Variants in C1GALT1 observed in about 807,000 individuals in gnomAD.
C1GALT1 encodes the protein core 1 synthase, glycoprotein-N-acetylgalactosamine 3-beta-galactosyltransferase 1.
In C1GALT1, 11 loss-of-function variants were observed where a neutral mutation model predicts 31.0. That is an observed-to-expected ratio of 0.36 (90% CI 0.22 to 0.59). The LOEUF (loss-of-function observed/expected upper bound fraction) is 0.59. C1GALT1 is among the 20% of genes least tolerant of loss of function. C1GALT1 has a pLI of 0.79. For synonymous variants in C1GALT1, 175 were observed against 143.6 expected (o/e 1.22, Z -1.56); for missense variants, 424 against 425.2 (o/e 1.00, Z 0.03).
At chr7:7,207,335 CTTTT>C (rs57510429) in intron 1 of C1GALT1, among the ~76,000 whole-genome samples, 2 of 47,972 alleles carry the variant, frequency 4.2e-5, no homozygotes, top group Non-Finnish European at 7.7e-5. Flanking sequence ...TACTCTGTTG[CTTTT>C]TTTTTTTTTT....
intron 1 of C1GALT1, among the ~76,000 whole-genome samples, chr7:7,204,110 T>G (rs566475052): frequency 6.7e-6 from 1 of 149,624 alleles, no homozygotes; most frequent in Admixed American, 6.7e-5. Context: ...TTTTTTTTTT[T>G]GTTTTTTTGT....
chr7:7,194,307 G>A (rs949038904), intron 1 of C1GALT1, among the ~76,000 whole-genome samples: 8 of 152,050 alleles, frequency 5.3e-5, no homozygotes, highest in Admixed American at 4.6e-4. Flanking sequence ...GTTAGCTGTA[G>A]GTTTGTCATA....
chr7:7,243,859 A>G lies in C1GALT1; in HGVS notation c.*132A>G, dbSNP rs1368184642. On this transcript the variant is annotated 3_prime_UTR_variant, in exon 4 of 4. Coordinates refer to ENST00000436587, the MANE Select transcript of C1GALT1 (RefSeq NM_020156.5). ...AACATTCCTTATAGAAACCTTTCAC[A>G]TGAATGACTATAAACTGAAGCTTTA... The G allele has an allele frequency of 3.2e-6, 2 of 632,324 alleles. No individual in the cohort carries two copies. The highest frequency in any genetic ancestry group is 5.3e-6 in the Non-Finnish European group (2 of 380,200). 39.2% of individuals were successfully genotyped at this position (632,324 alleles called of 1,614,324 possible).
chr7:7,176,166 C>T (rs916835000), intron 2 of C1GALT1, among the ~76,000 whole-genome samples: 3 of 151,964 alleles, frequency 2.0e-5, no homozygotes, highest in South Asian at 2.1e-4. Flanking sequence ...GCCATTTCAG[C>T]AAAATGGGAA....
chr7:7,211,604 A>G (rs575409364), intron 1 of C1GALT1, among the ~76,000 whole-genome samples: 1 of 152,326 alleles, frequency 6.6e-6, no homozygotes, highest in East Asian at 1.9e-4. Flanking sequence ...AGTTCCCACA[A>G]GTGTGGTGTA....
chr7:7,227,890 C>A (rs1471029830), intron 1 of C1GALT1, among the ~76,000 whole-genome samples: 1 of 152,172 alleles, frequency 6.6e-6, no homozygotes, highest in Non-Finnish European at 1.5e-5. Flanking sequence ...TTTCTAGCCT[C>A]CGTAACTGTA....
At chr7:7,177,679 T>C (rs577863923), upstream of C1GALT1, among the ~76,000 whole-genome samples, 5 of 152,360 alleles carry the variant, frequency 3.3e-5, no homozygotes, top group South Asian at 8.3e-4. Flanking sequence ...ATGATGCTAC[T>C]ATTTTATACA....
At chr7:7,213,148 C>T (rs1437978411) in intron 1 of C1GALT1, among the ~76,000 whole-genome samples, 1 of 152,144 alleles carries the variant, frequency 6.6e-6, no homozygotes, top group Admixed American at 6.5e-5. Flanking sequence ...AGTCCCATAT[C>T]TTCTTTCTCA....
At chr7:7,208,373 A>G (rs548244732) in intron 1 of C1GALT1, among the ~76,000 whole-genome samples, 2 of 152,306 alleles carry the variant, frequency 1.3e-5, no homozygotes, top group Non-Finnish European at 2.9e-5. Flanking sequence ...TATTTAGGAA[A>G]AAACATAGTA....
At chr7:7,188,746 G>A (rs1191934472) in intron 1 of C1GALT1, among the ~76,000 whole-genome samples, 6 of 149,480 alleles carry the variant, frequency 4.0e-5, no homozygotes, top group South Asian at 2.1e-4. Flanking sequence ...AAAATATTTC[G>A]GTACATTGTC....
chr7:7,204,423 C>T (rs1338486621), intron 1 of C1GALT1, among the ~76,000 whole-genome samples: 1 of 152,028 alleles, frequency 6.6e-6, no homozygotes, highest in Non-Finnish European at 1.5e-5. Context: ...GCCCTACTTT[C>T]ATTTCTGATT....
rs753833189 is a variant in C1GALT1 at position 7,228,034 on chromosome 7, CTG to C, written c.-17-6265_-17-6264del. Among the ~76,000 whole-genome samples, 52 of 152,302 alleles carry C rather than the reference CTG, an allele frequency of 3.4e-4. No homozygotes were observed. The South Asian group carries it at 6.6e-3, about 19-fold the overall frequency. Reference sequence around the variant, plus strand: ...TGATTCAGATTGCTAGTGTGACTCTCTGTGTCTGAATTCATCTGTAAATGGGA... The same window carrying C: ...TGATTCAGATTGCTAGTGTGACTCTCTGTCTGAATTCATCTGTAAATGGGA... On this transcript the variant is annotated intron_variant, in intron 1 of 3. Coordinates refer to ENST00000436587, the MANE Select transcript of C1GALT1 (RefSeq NM_020156.5).
At chr7:7,234,175 C>G in intron 1 of C1GALT1, 128 bp from the exon 2 acceptor site, 1 of 687,814 alleles carries the variant, frequency 1.5e-6, no homozygotes, top group Non-Finnish European at 2.4e-6. Context: ...GAGGGGTAAA[C>G]TCATAGATAA....
chr7:7,185,913 T>C (rs879583230), intron 1 of C1GALT1, among the ~76,000 whole-genome samples: 2 of 152,220 alleles, frequency 1.3e-5, no homozygotes, highest in Admixed American at 1.3e-4. Flanking sequence ...CTTACATTTA[T>C]TTACATATAT....
At chr7:7,189,161 A>G (rs1366859250) in intron 1 of C1GALT1, among the ~76,000 whole-genome samples, 1 of 152,172 alleles carries the variant, frequency 6.6e-6, no homozygotes, top group Non-Finnish European at 1.5e-5. Context: ...AACAGCTACT[A>G]CTATTCTATG....
In C1GALT1 at chr7:7,234,435, C is replaced by T; in HGVS notation, c.116C>T (p.Pro39Leu). Residue 39 changes from proline (P) to leucine (L), a missense_variant, in exon 2 of 4, where the codon CCT (proline) becomes CTT (leucine). Around this residue, in one of 3 missense-constraint regions of C1GALT1, gnomAD observed 189 missense variants for 158.2 expected, o/e 1.19. Transcript: ENST00000436587. ...TTGGGAGAAAAGGTTGACACCCAGC[C>T]TAATGTTCTTCATAATGATCCTCAT... Reference protein sequence around the residue: ...ILLGEKVDTQPNVLHNDPHAR... With the variant: ...ILLGEKVDTQLNVLHNDPHAR... 1 of 1,613,778 alleles carries T rather than the reference C, an allele frequency of 6.2e-7. No individual in the cohort carries two copies. The highest frequency in any genetic ancestry group is 8.5e-7 in the Non-Finnish European group (1 of 1,179,796).
chr7:7,248,165 TTATA>T lies in C1GALT1; in HGVS notation c.*4443_*4446del, dbSNP rs1783923266. ...CTCTGTTGATTTTTTAAAAATGTGTTTATATATAAGATTTGAAATAAAAACTTTA... is the reference window on the plus strand; with the variant it reads ...CTCTGTTGATTTTTTAAAAATGTGTTTATAAGATTTGAAATAAAAACTTTA... On this transcript the variant is annotated 3_prime_UTR_variant, in exon 4 of 4. Coordinates refer to ENST00000436587, the MANE Select transcript of C1GALT1 (RefSeq NM_020156.5). The T allele has an allele frequency of 6.6e-6, 1 of 151,980 alleles. No homozygotes were observed. The highest frequency in any genetic ancestry group is 1.5e-5 in the Non-Finnish European group (1 of 67,876). The allele number at this position is 151,980 out of a possible 1,614,324, so 9.4% of individuals were successfully genotyped here.
At chr7:7,178,626 C>T (rs550609281), upstream of C1GALT1, among the ~76,000 whole-genome samples, 18 of 152,266 alleles carry the variant, frequency 1.2e-4, no homozygotes, top group African/African-American at 3.9e-4. Context: ...CTACATCTCT[C>T]TATAAGAGAT....
chr7:7,223,714 T>C (rs1010919776), intron 1 of C1GALT1, among the ~76,000 whole-genome samples: 1 of 152,196 alleles, frequency 6.6e-6, no homozygotes, highest in Non-Finnish European at 1.5e-5. Context: ...TAGGGATGGT[T>C]TCATTTTTTC....
Sources: allele counts gnomAD v4.1 joint callset (sites outside exome capture counted in the v4.1 genomes callset), GRCh38; gene constraint gnomAD v4.1.1; regional missense constraint gnomAD v4.1.1; transcripts MANE v1.5; gene names NCBI Gene and HGNC (gene_info 2026-07-23, HGNC 2026-07-21).